KIF6: variants seen among roughly 807,000 people sequenced by gnomAD.
KIF6 encodes the protein kinesin family member 6, also known as kinesin-like protein KIF6.
Under a neutral mutation model 112.7 loss-of-function variants are expected in KIF6, and 106 were observed. The observed-to-expected ratio is 0.94, with a 90% CI of 0.80 to 1.11. The LOEUF is 1.11. Ranked by LOEUF, KIF6 falls within the 50% of genes least tolerant of loss-of-function variation. KIF6 has a pLI of 0.00. For synonymous variants in KIF6, 339 were observed against 339.9 expected, an observed-to-expected ratio of 1.00 and a Z score of 0.03; for missense variants, 929 against 964.0, an observed-to-expected ratio of 0.96 and a Z score of 0.48.
chr6:39,493,137 C>T (rs1044313566), intron 13 of KIF6, among the ~76,000 whole-genome samples: 3 of 152,218 alleles, frequency 2.0e-5, no homozygotes, highest in Non-Finnish European at 4.4e-5. Flanking sequence ...GGAATATCCT[C>T]CTCCTTGCTG....
At chr6:39,542,540 A>G (rs1778845581) in intron 12 of KIF6, among the ~76,000 whole-genome samples, 1 of 152,092 alleles carries the variant, frequency 6.6e-6, no homozygotes, top group African/African-American at 2.4e-5. Flanking sequence ...TTGTTGTGTC[A>G]CAGTCTTAGC....
intron 3 of KIF6, among the ~76,000 whole-genome samples, chr6:39,703,996 C>A (rs1789035911): frequency 6.6e-6 from 1 of 152,050 alleles, no homozygotes; most frequent in African/African-American, 2.4e-5. Context: ...TAAGTGTATC[C>A]TCAAGTCCTG....
intron 3 of KIF6, among the ~76,000 whole-genome samples, chr6:39,644,365 G>A (rs1785056122): frequency 6.6e-6 from 1 of 152,070 alleles, no homozygotes; most frequent in South Asian, 2.1e-4. Flanking sequence ...TGTAGTGAAT[G>A]TTCACAACAG....
intron 11 of KIF6, 53 bp downstream of exon 11, chr6:39,545,530 G>A: frequency 7.3e-7 from 1 of 1,375,350 alleles, no homozygotes; most frequent in South Asian, 1.2e-5. Flanking sequence ...AAGTTTTTTT[G>A]CAGCTTGAAC....
chr6:39,407,328 T>C (rs1394758464), intron 15 of KIF6, among the ~76,000 whole-genome samples: 3 of 152,230 alleles, frequency 2.0e-5, no homozygotes, highest in African/African-American at 7.2e-5. Flanking sequence ...TTATAAACTT[T>C]ATATCTTTGA....
chr6:39,456,706 G>T lies in KIF6; in HGVS notation c.1646-25545C>A, dbSNP rs766603371. Among the ~76,000 whole-genome samples, 664 of 84,622 alleles carry T rather than the reference G, an allele frequency of 7.8e-3. 14 individuals are homozygous for T. The highest frequency in any genetic ancestry group is 0.024 in the South Asian group (56 of 2,348). 55.5% of individuals were successfully genotyped at this position (84,622 alleles called of 152,430 possible). Reference sequence around the variant, plus strand: ...CCAAGCCAATGGAAAACAAAAAAAGGCAGGGGTTGCAATCCTAGTCTCTGA... The same window carrying T: ...CCAAGCCAATGGAAAACAAAAAAAGTCAGGGGTTGCAATCCTAGTCTCTGA... On this transcript the variant is annotated intron_variant, in intron 13 of 22. Coordinates refer to ENST00000287152, the MANE Select transcript of KIF6 (RefSeq NM_145027.6).
At chr6:39,410,330 A>T (rs1166299465) in intron 15 of KIF6, among the ~76,000 whole-genome samples, 1 of 152,274 alleles carries the variant, frequency 6.6e-6, no homozygotes, top group Non-Finnish European at 1.5e-5. Flanking sequence ...TGACTCTCCC[A>T]TAAGGGAAAG....
rs564229262 is a variant in KIF6, at chr6:39,583,674, C to CTTTTTT, written c.1077+1218_1077+1223dup. Among the ~76,000 whole-genome samples the CTTTTTT allele has an allele frequency of 1.4e-3, 99 of 71,706 alleles. 25 individuals carry two copies. The highest frequency in any genetic ancestry group is 1.9e-3 in the Non-Finnish European group (66 of 35,238). The allele number at this position is 71,706 out of a possible 152,430, so 47.0% of individuals were successfully genotyped here. A position where few individuals can be genotyped will look rare whatever the true frequency, so the allele number is the denominator to read the frequency against. On this transcript the variant is annotated intron_variant, in intron 9 of 22. Coordinates refer to ENST00000287152, the MANE Select transcript of KIF6 (RefSeq NM_145027.6). ...AAACACTGTTGGTAGGATTTCACTT[C>CTTTTTT]TTTTTTTTTTTTTTTTTTTTTTTTT... is the stretch of plus-strand genomic sequence containing the variant.
chr6:39,534,650 C>T (rs2150551048), intron 13 of KIF6, among the ~76,000 whole-genome samples: 1 of 152,286 alleles, frequency 6.6e-6, no homozygotes, highest in East Asian at 1.9e-4. Context: ...AGGATATTAT[C>T]CAGGAGAACT....
chr6:39,578,280 T>A lies in KIF6; in HGVS notation c.1078-121A>T, dbSNP rs1032560642. 44 of 645,506 alleles carry A rather than the reference T, an allele frequency of 6.8e-5. No individual in the cohort carries two copies. The Middle Eastern group carries it at 9.1e-4, about 13-fold the overall frequency. 40.0% of individuals were successfully genotyped at this position (645,506 alleles called of 1,614,324 possible). ...ATGGACACAAAAATGGGTAATGGTA[T>A]AAAAAGCCAGCTTTGTTAAATCTTA... On this transcript the variant is annotated intron_variant, in intron 9 of 22. Transcript: ENST00000287152.
At chr6:39,456,407 T>C (rs1206435715) in intron 13 of KIF6, among the ~76,000 whole-genome samples, 1 of 69,312 alleles carries the variant, frequency 1.4e-5, no homozygotes, top group Non-Finnish European at 2.7e-5. Context: ...TACCAGCCGC[T>C]GCAAAATCAT....
intron 13 of KIF6, among the ~76,000 whole-genome samples, chr6:39,529,402 A>T (rs1777916661): frequency 6.6e-6 from 1 of 152,220 alleles, no homozygotes; most frequent in African/African-American, 2.4e-5. Flanking sequence ...TAAGCCATAC[A>T]GCTGATCAGG....
rs1332959843 is a variant in KIF6, at chr6:39,447,614, G to A, written c.1646-16453C>T. On this transcript the variant is annotated intron_variant, in intron 13 of 22. Transcript: ENST00000287152. ...ATCTATTTGTAGTGTGACTGGCAGC[G>A]TAGGGGACTTAAGAACACTTAGACA... is the stretch of plus-strand genomic sequence containing the variant. 5.3e-5 allele frequency among the ~76,000 whole-genome samples: 8 copies of A among 151,920 alleles called. 1 individual carries two copies. The South Asian group carries it at 6.2e-4, about 12-fold the overall frequency.
chr6:39,352,826 A>G (rs1031436470), intron 19 of KIF6, among the ~76,000 whole-genome samples: 1 of 152,124 alleles, frequency 6.6e-6, no homozygotes, highest in African/African-American at 2.4e-5. Context: ...CTGCTCTTGA[A>G]TTCCTGACCT....
intron 16 of KIF6, among the ~76,000 whole-genome samples, chr6:39,368,045 G>C (rs1222984379): frequency 6.6e-6 from 1 of 152,178 alleles, no homozygotes; most frequent in Non-Finnish European, 1.5e-5. Flanking sequence ...AAGTTACTGA[G>C]AATACAGGCC....
At chr6:39,665,235 C>T (rs963328946) in intron 3 of KIF6, among the ~76,000 whole-genome samples, 3 of 152,136 alleles carry the variant, frequency 2.0e-5, no homozygotes, top group Admixed American at 6.5e-5. Flanking sequence ...GCCAAAATCT[C>T]GAGAAATTTT....
chr6:39,626,915 T>G (rs1377780357), intron 5 of KIF6, among the ~76,000 whole-genome samples: 1 of 152,148 alleles, frequency 6.6e-6, no homozygotes, highest in African/African-American at 2.4e-5. Context: ...TTACTCCCAC[T>G]GCCACCTAAG....
At chr6:39,668,519 C>G (rs959244413) in intron 3 of KIF6, among the ~76,000 whole-genome samples, 5 of 152,162 alleles carry the variant, frequency 3.3e-5, no homozygotes, top group Non-Finnish European at 5.9e-5. Context: ...CCCACTGCAC[C>G]TCAGAATCTC....
intron 14 of KIF6, among the ~76,000 whole-genome samples, chr6:39,421,963 G>A (rs1347297612): frequency 3.3e-5 from 5 of 151,970 alleles, no homozygotes; most frequent in African/African-American, 7.3e-5. Context: ...GCCAAGGGAG[G>A]GCCTATGATC....
Sources: allele counts gnomAD v4.1 joint callset (sites outside exome capture counted in the v4.1 genomes callset), GRCh38; gene constraint gnomAD v4.1.1; transcripts MANE v1.5; gene names NCBI Gene and HGNC (gene_info 2026-07-23, HGNC 2026-07-21).